Variants in DOT1L observed in about 807,000 individuals in gnomAD.
DOT1L encodes the protein histone-lysine N-methyltransferase, H3 lysine-79 specific.
In DOT1L, 33 loss-of-function variants were observed where a neutral mutation model predicts 153.3. The observed-to-expected ratio is 0.22, with a 90% CI of 0.16 to 0.29. The LOEUF (loss-of-function observed/expected upper bound fraction) is 0.29. DOT1L is among the 10% of genes least tolerant of loss of function. The pLI, the probability that DOT1L is intolerant of heterozygous loss-of-function variation, is 1.00. For synonymous variants in DOT1L, 1,135 were observed against 965.1 expected, an observed-to-expected ratio of 1.18 and a Z score of -3.26; for missense variants, 1,847 against 2,119.9, an observed-to-expected ratio of 0.87 and a Z score of 2.53.
At position 2,186,013 on chromosome 19, in the gene DOT1L, C is replaced by T. The variant is rs1442556926; in HGVS notation, c.200+84C>T. 2.0e-5 allele frequency: 27 copies of T among 1,317,328 alleles called. 1 individual carries two copies. The East Asian group carries it at 3.5e-4, about 17-fold the overall frequency. The allele number at this position is 1,317,328 out of a possible 1,614,324, so 81.6% of individuals were successfully genotyped here. ...ACAGGAGGACGCATCCTATAATTAG[C>T]TCTTCTTAGATGGTGCAAGCTGATC... On this transcript the variant is annotated intron_variant, in intron 3 of 27. Coordinates refer to ENST00000398665, the MANE Select transcript of DOT1L (RefSeq NM_032482.3).
intron 26 of DOT1L, 68 bp from the exon 27 acceptor site, chr19:2,226,115 C>T (rs2024318854): frequency 5.5e-6 from 8 of 1,459,660 alleles, no homozygotes; most frequent in Middle Eastern, 1.8e-4. Flanking sequence ...GCAGCAGCCC[C>T]GGTTAGCCTC....
intron 19 of DOT1L, chr19:2,215,794 T>A (rs1378208072): frequency 6.5e-6 from 1 of 153,660 alleles, no homozygotes; most frequent in East Asian, 1.9e-4. Context: ...AAGAGCATAT[T>A]TGGGTTCTGA....
chr19:2,216,478 G>C lies in DOT1L; in HGVS notation c.2121G>C (p.Met707Ile). ...TKFSLPHLSS[M>I]SPELSMNGQA... is the part of the protein sequence containing the mutation. ...TCTCGCTGCCTCACTTGAGCAGCAT[G>C]AGCCCGGAGCTCTCCATGAACGGCC... Residue 707 changes from methionine to isoleucine, a missense_variant, in exon 20 of 28, where the codon ATG becomes ATC. Met to Ile is a conservative substitution (Grantham distance 10). Transcript: ENST00000398665. 1 of 1,612,654 alleles carries C rather than the reference G, an allele frequency of 6.2e-7. No individual in the cohort carries two copies. Among genetic ancestry groups the C allele is most frequent in the Non-Finnish European group, 8.5e-7 (1 of 1,179,954 alleles).
chr19:2,176,632 G>T (rs1038042221), intron 1 of DOT1L, among the ~76,000 whole-genome samples: 1 of 152,154 alleles, frequency 6.6e-6, no homozygotes, highest in Non-Finnish European at 1.5e-5. Context: ...GCGCTTGGCT[G>T]AATCCTAGGA....
chr19:2,168,666 G>C (rs2020017633), intron 1 of DOT1L, among the ~76,000 whole-genome samples: 1 of 152,186 alleles, frequency 6.6e-6, no homozygotes, highest in South Asian at 2.1e-4. Context: ...CTGGGCTGGA[G>C]TACAACGGTG....
intron 1 of DOT1L, among the ~76,000 whole-genome samples, chr19:2,164,661 T>C (rs1020720498): frequency 2.7e-5 from 4 of 147,924 alleles, no homozygotes; most frequent in African/African-American, 9.9e-5. Flanking sequence ...GAGGGCATCC[T>C]TTCCTGTCTC....
chr19:2,207,522 T>C lies in DOT1L; in HGVS notation c.857-52T>C. 1 of 1,528,082 alleles carries C rather than the reference T, an allele frequency of 6.5e-7. No homozygotes were observed. Among genetic ancestry groups the C allele is most frequent in the Non-Finnish European group, 8.9e-7 (1 of 1,122,628 alleles). The allele number at this position is 1,528,082 out of a possible 1,614,324, so 94.7% of individuals were successfully genotyped here. On this transcript the variant is annotated intron_variant, in intron 10 of 27. Coordinates refer to ENST00000398665, the MANE Select transcript of DOT1L (RefSeq NM_032482.3). This position sits in a 1 kb window ranked among gnomAD's most constrained non-coding sequence, Gnocchi z 4.5. Reference sequence around the variant, plus strand: ...TGCCCTGGGGTGGGTGAGGTCTGCATGGAGGGGCTGTGGGCAGGCGCAGGC... The same window carrying C: ...TGCCCTGGGGTGGGTGAGGTCTGCACGGAGGGGCTGTGGGCAGGCGCAGGC...
In DOT1L at chr19:2,226,584, T is replaced by A. The variant is rs774205316; in HGVS notation, c.4063T>A (p.Ser1355Thr). The change falls in exon 27 of 28, where the codon TCG (serine) becomes ACG (threonine). Residue 1355 changes from serine (S) to threonine (T), a missense_variant. Physicochemically the swap from Ser to Thr is moderately conservative, Grantham distance 58. This residue lies in a region of DOT1L where 934 missense variants were observed against 825.3 expected (regional missense o/e 1.13). Coordinates refer to ENST00000398665, the MANE Select transcript of DOT1L (RefSeq NM_032482.3). Reference protein sequence around the residue: ...AGLSSPLSFPSQRGKEGSDAN... With the variant: ...AGLSSPLSFPTQRGKEGSDAN... ...CCTGAGCTCCCCGCTGAGCTTCCCCTCGCAGCGCGGCAAGGAGGGCTCGGA... is the reference window on the plus strand; with the variant it reads ...CCTGAGCTCCCCGCTGAGCTTCCCCACGCAGCGCGGCAAGGAGGGCTCGGA... 1 of 1,599,770 alleles carries A rather than the reference T, an allele frequency of 6.3e-7. No homozygotes were observed. The highest frequency in any genetic ancestry group is 8.5e-7 in the Non-Finnish European group (1 of 1,177,892).
In DOT1L at chr19:2,230,132, G is replaced by A. The variant is rs968962339; in HGVS notation, c.*340G>A. ...AGACACGTGTCTGCAGGGCGGGCCCGCCAGCGGATTCGCCACAGCCTGCCC... is the reference window on the plus strand; with the variant it reads ...AGACACGTGTCTGCAGGGCGGGCCCACCAGCGGATTCGCCACAGCCTGCCC... On this transcript the variant is annotated 3_prime_UTR_variant, in exon 28 of 28. Transcript: ENST00000398665. The A allele has an allele frequency of 1.2e-5, 6 of 511,488 alleles. No homozygotes were observed. The highest frequency in any genetic ancestry group is 7.4e-5 in the Admixed American group (2 of 26,884). 31.7% of individuals were successfully genotyped at this position (511,488 alleles called of 1,614,324 possible).
rs746215842 is a variant in DOT1L at position 2,226,761 on chromosome 19, C to T, written c.4240C>T (p.Arg1414Trp). The change falls in exon 27 of 28, where the codon CGG (arginine) becomes TGG (tryptophan). Residue 1414 changes from arginine (R) to tryptophan (W), a missense_variant. Around this residue, in one of 8 missense-constraint regions of DOT1L, gnomAD observed 934 missense variants for 825.3 expected, o/e 1.13. Coordinates refer to ENST00000398665, the MANE Select transcript of DOT1L (RefSeq NM_032482.3). Reference protein sequence around the residue: ...PLLSGKAAKARDREVDLKNGH... With the variant: ...PLLSGKAAKAWDREVDLKNGH... The stretch of plus-strand genomic sequence containing the variant: ...GCTGAGCGGCAAGGCCGCCAAGGCC[C>T]GGGACCGCGAGGTCGACCTCAAGAA... The T allele has an allele frequency of 1.3e-5, 21 of 1,564,456 alleles. No individual in the cohort carries two copies. The Admixed American group carries it at 3.2e-4, about 24-fold the overall frequency.
rs200494965 is a variant in DOT1L at position 2,207,691 on chromosome 19, C to T, written c.963+11C>T. ...ATCGACCGCACCATAGTGAGTATCT[C>T]GCTGCGCCTCAGCCGCAGGGCCGTC... On this transcript the variant is annotated intron_variant, in intron 11 of 27. Transcript: ENST00000398665. The surrounding 1 kb of genome is among the most constrained non-coding windows in gnomAD (Gnocchi z 4.5). 1.4e-4 allele frequency: 220 copies of T among 1,604,674 alleles called. 1 individual carries two copies. The African/African-American group carries it at 2.4e-3, about 17-fold the overall frequency.
At chr19:2,173,420 C>T (rs1400664168) in intron 1 of DOT1L, among the ~76,000 whole-genome samples, 1 of 152,180 alleles carries the variant, frequency 6.6e-6, no homozygotes, top group Non-Finnish European at 1.5e-5. Flanking sequence ...TCGAGGTGAG[C>T]CGCGGATCAC....
intron 1 of DOT1L, among the ~76,000 whole-genome samples, chr19:2,167,331 C>A (rs905405279): frequency 6.6e-6 from 1 of 152,242 alleles, no homozygotes; most frequent in Non-Finnish European, 1.5e-5. Flanking sequence ...GTGGTCTTGC[C>A]AGGGACCCTT....
chr19:2,227,715 C>G, intron 27 of DOT1L: 2 of 1,304,914 alleles, frequency 1.5e-6, no homozygotes, highest in Non-Finnish European at 1.0e-6. Flanking sequence ...GTTGAAGCTG[C>G]GTTTTTCTCT....
Position 2,230,412 on chromosome 19 carries a change from C to A in DOT1L, c.*620C>A. On this transcript the variant is annotated 3_prime_UTR_variant, in exon 28 of 28. Transcript: ENST00000398665. ...CGGCACTGTGAACCCCCAGACTGTTCACCCTCCGGGGCGTGGGTTGCGCCC... is the reference window on the plus strand; with the variant it reads ...CGGCACTGTGAACCCCCAGACTGTTAACCCTCCGGGGCGTGGGTTGCGCCC... 1 of 401,334 alleles carries A rather than the reference C, an allele frequency of 2.5e-6. No homozygotes were observed. Among genetic ancestry groups the A allele is most frequent in the East Asian group, 3.6e-5 (1 of 28,090 alleles). The allele number at this position is 401,334 out of a possible 1,614,324, so 24.9% of individuals were successfully genotyped here.
At position 2,228,168 on chromosome 19, in the gene DOT1L, C is replaced by T. The variant is rs374882805; in HGVS notation, c.4606+1041C>T. The T allele has an allele frequency of 2.1e-4, 292 of 1,364,762 alleles. No individual in the cohort carries two copies. The African/African-American group carries it at 3.6e-3, about 17-fold the overall frequency. 84.5% of individuals were successfully genotyped at this position (1,364,762 alleles called of 1,614,324 possible). The stretch of plus-strand genomic sequence containing the variant: ...TTTGTCTATCAAGCTCACCTCCCTC[C>T]CGCACAAGGGCGCCCGCCCCTCCTT... On this transcript the variant is annotated intron_variant, in intron 27 of 27. Transcript: ENST00000398665.
At chr19:2,186,473 C>G (rs1241535558) in intron 3 of DOT1L, among the ~76,000 whole-genome samples, 1 of 148,034 alleles carries the variant, frequency 6.8e-6, no homozygotes, top group Non-Finnish European at 1.5e-5. Context: ...GGAAGACATT[C>G]CAGGCTCATG....
intron 27 of DOT1L, chr19:2,228,982 T>C: frequency 1.0e-6 from 1 of 985,332 alleles, no homozygotes; most frequent in Non-Finnish European, 1.2e-6. Context: ...AGAGGCAAGC[T>C]CTGTGCCCTG....
At chr19:2,202,559 C>T (rs1228389439) in intron 8 of DOT1L, 141 bp from the exon 9 acceptor site, 2 of 778,836 alleles carry the variant, frequency 2.6e-6, no homozygotes, top group African/African-American at 1.7e-5. Flanking sequence ...GGCGTGCGCT[C>T]AGCTGCGTGG....
Sources: allele counts gnomAD v4.1 joint callset (sites outside exome capture counted in the v4.1 genomes callset), GRCh38; gene constraint gnomAD v4.1.1; regional missense constraint gnomAD v4.1.1; non-coding constraint Gnocchi (gnomAD v3.1); transcripts MANE v1.5; gene names NCBI Gene and HGNC (gene_info 2026-07-23, HGNC 2026-07-21).